Variants in CNTN5 observed in about 807,000 individuals in gnomAD.
The protein encoded by CNTN5 is contactin 5.
In CNTN5, 77 loss-of-function variants were observed where a neutral mutation model predicts 129.1. The ratio of observed to expected loss-of-function variants is 0.60; its 90% CI spans 0.50 to 0.72. The LOEUF (loss-of-function observed/expected upper bound fraction) is 0.72, where lower values mean the gene tolerates loss of function less well. Among genes scored for constraint, CNTN5 ranks in the 30% least tolerant of loss-of-function variants. The pLI is 0.00. For missense variants in CNTN5, 1,478 were observed against 1,328.8 expected, an observed-to-expected ratio of 1.11 and a Z score of -1.75; for synonymous variants, 509 against 465.6, an observed-to-expected ratio of 1.09 and a Z score of -1.20.
chr11:100,078,387 TA>T (rs1471089714), intron 13 of CNTN5, among the ~76,000 whole-genome samples: 2 of 152,140 alleles, frequency 1.3e-5, no homozygotes, highest in East Asian at 3.9e-4. Context: ...ATGATACAAC[TA>T]AAATATACAA....
At chr11:99,679,836 T>A (rs1464447553) in intron 3 of CNTN5, among the ~76,000 whole-genome samples, 1 of 152,218 alleles carries the variant, frequency 6.6e-6, no homozygotes, top group Non-Finnish European at 1.5e-5. Flanking sequence ...TTAGCCAGGC[T>A]GTGAGTGCAA....
chr11:99,860,496 A>G (rs966746270), intron 6 of CNTN5, among the ~76,000 whole-genome samples: 1 of 152,194 alleles, frequency 6.6e-6, no homozygotes, highest in Non-Finnish European at 1.5e-5. Flanking sequence ...GGTGAAATGT[A>G]GAGGTCCAAT....
At chr11:99,135,713 A>T (rs1859187026) in intron 1 of CNTN5, among the ~76,000 whole-genome samples, 1 of 152,120 alleles carries the variant, frequency 6.6e-6, no homozygotes, top group Non-Finnish European at 1.5e-5. Flanking sequence ...TTTATTGCTG[A>T]CATTGTATTT....
At chr11:99,572,030 A>T (rs1014984657) in intron 3 of CNTN5, among the ~76,000 whole-genome samples, 1 of 152,244 alleles carries the variant, frequency 6.6e-6, no homozygotes, top group African/African-American at 2.4e-5. Flanking sequence ...TAATCATTAC[A>T]TGGCCCATAG....
chr11:99,879,057 C>T (rs1490538547), intron 6 of CNTN5, among the ~76,000 whole-genome samples: 3 of 151,970 alleles, frequency 2.0e-5, no homozygotes, highest in African/African-American at 7.2e-5. Context: ...CCTGCCTCAG[C>T]CTCCCGATTA....
At chr11:99,305,816 A>G (rs1294269096) in intron 1 of CNTN5, among the ~76,000 whole-genome samples, 12 of 151,830 alleles carry the variant, frequency 7.9e-5, no homozygotes, top group Admixed American at 7.9e-4. Flanking sequence ...CCCCATCTCT[A>G]CTAAAAATAC....
intron 7 of CNTN5, among the ~76,000 whole-genome samples, chr11:99,921,339 A>G (rs1949933879): frequency 6.6e-6 from 1 of 152,134 alleles, no homozygotes; most frequent in Non-Finnish European, 1.5e-5. Flanking sequence ...TTGATGTCTC[A>G]AACAACCAGA....
At chr11:99,588,004 T>C (rs545486520) in intron 3 of CNTN5, among the ~76,000 whole-genome samples, 2 of 152,216 alleles carry the variant, frequency 1.3e-5, no homozygotes, top group South Asian at 4.1e-4. Flanking sequence ...AGTGAGAAAG[T>C]CCTAAGACTG....
intron 2 of CNTN5, among the ~76,000 whole-genome samples, chr11:99,338,265 AT>A (rs1866328894): frequency 6.6e-6 from 1 of 152,182 alleles, no homozygotes; most frequent in African/African-American, 2.4e-5. Context: ...AAACAGCTCT[AT>A]ACTTGAGTCT....
At chr11:99,542,044 T>A (rs1450956153) in intron 2 of CNTN5, among the ~76,000 whole-genome samples, 2 of 152,178 alleles carry the variant, frequency 1.3e-5, no homozygotes, top group East Asian at 3.9e-4. Flanking sequence ...ATTTATCTCT[T>A]TGTTTTTAAT....
In CNTN5 at chr11:99,583,230, C is replaced by A. The variant is rs140797400; in HGVS notation, c.55+26961C>A. Reference sequence around the variant, plus strand: ...CCGGCCGTGTGAGGTGTTAGTCTGCCCCTAATTGGGGGTGCCTCCCAGTTA... The same window carrying A: ...CCGGCCGTGTGAGGTGTTAGTCTGCACCTAATTGGGGGTGCCTCCCAGTTA... On this transcript the variant is annotated intron_variant, in intron 3 of 24. Transcript: ENST00000524871. 3.6e-3 allele frequency among the ~76,000 whole-genome samples: 543 copies of A among 152,252 alleles called. 1 individual carries two copies. Among genetic ancestry groups the A allele is most frequent in the African/African-American group, 0.012 (518 of 41,548 alleles).
At chr11:99,026,244 A>G (rs1020120585) in intron 1 of CNTN5, among the ~76,000 whole-genome samples, 1 of 151,620 alleles carries the variant, frequency 6.6e-6, no homozygotes, top group Non-Finnish European at 1.5e-5. Flanking sequence ...CTCATGTTTA[A>G]TCTGTTAGGT....
intron 8 of CNTN5, among the ~76,000 whole-genome samples, chr11:99,972,867 A>G (rs1937667808): frequency 6.6e-6 from 1 of 152,186 alleles, no homozygotes; most frequent in African/African-American, 2.4e-5. Context: ...TGCATTTTCC[A>G]CAGTACTCCC....
chr11:99,687,013 C>T (rs1348928724), intron 3 of CNTN5, among the ~76,000 whole-genome samples: 2 of 152,126 alleles, frequency 1.3e-5, no homozygotes, highest in Non-Finnish European at 2.9e-5. Flanking sequence ...TCTCAGAAAC[C>T]ACTTAACTCA....
chr11:99,871,632 G>T (rs1194927785), intron 6 of CNTN5, among the ~76,000 whole-genome samples: 1 of 151,834 alleles, frequency 6.6e-6, no homozygotes, highest in African/African-American at 2.4e-5. Context: ...AGGACATAAA[G>T]TTGAAGGGAG....
chr11:99,313,360 T>C (rs1865197369), intron 1 of CNTN5, among the ~76,000 whole-genome samples: 1 of 152,108 alleles, frequency 6.6e-6, no homozygotes, highest in South Asian at 2.1e-4. Context: ...CTTATAAAAG[T>C]AATGTTATTA....
At chr11:100,218,837 G>T (rs1949199392) in intron 15 of CNTN5, among the ~76,000 whole-genome samples, 1 of 152,084 alleles carries the variant, frequency 6.6e-6, no homozygotes, top group Admixed American at 6.6e-5. Context: ...TTAAGAACGT[G>T]GACCATCTTG....
At chr11:100,279,875 C>A in intron 18 of CNTN5, among the ~76,000 whole-genome samples, 1 of 144,346 alleles carries the variant, frequency 6.9e-6, no homozygotes, top group East Asian at 2.0e-4. Context: ...CCTTAGGATG[C>A]CTCATTAGGT....
chr11:99,915,832 TA>T (rs1949774656), intron 6 of CNTN5, among the ~76,000 whole-genome samples: 1 of 152,184 alleles, frequency 6.6e-6, no homozygotes, highest in Non-Finnish European at 1.5e-5. Flanking sequence ...GGACTGTAAA[TA>T]AAAATAAAGA....
Sources: gnomAD v4.1 joint callset for allele counts (sites outside exome capture counted in the v4.1 genomes callset) on GRCh38, gnomAD v4.1.1 for gene constraint, MANE v1.5 for transcripts, NCBI Gene and HGNC (gene_info 2026-07-23, HGNC 2026-07-21) for gene names.